The following MEIOB variants were observed in gnomAD, a reference collection of about 807,000 sequenced individuals.
MEIOB encodes the protein meiosis specific with OB-fold.
In MEIOB, 50 loss-of-function variants were observed where a neutral mutation model predicts 53.1. The observed-to-expected ratio is 0.94, with a 90% CI of 0.75 to 1.19. The LOEUF is 1.19. Among genes scored for constraint, MEIOB ranks in the 50% most tolerant of loss-of-function variants. The pLI, the probability that MEIOB is intolerant of heterozygous loss-of-function variation, is 0.00. For missense variants in MEIOB, 551 were observed against 550.8 expected (o/e 1.00, Z 0.00); for synonymous variants, 192 against 182.5 (o/e 1.05, Z -0.42).
chr16:1,856,116 T>A (rs986593335), intron 6 of MEIOB, among the ~76,000 whole-genome samples: 2 of 151,170 alleles, frequency 1.3e-5, no homozygotes, highest in Non-Finnish European at 2.9e-5. Context: ...TGCCTCAGCC[T>A]CCTGAGTAGC....
Position 1,857,495 on chromosome 16 carries a change from C to T in MEIOB, c.528+240G>A, listed in dbSNP as rs191100179. On this transcript the variant is annotated intron_variant, in intron 6 of 13. Transcript: ENST00000325962. ...TCTCCTATAGTTAGCAGATCATTTA[C>T]GAGCAGAGTGGAACACTGCATTTAG... is the stretch of plus-strand genomic sequence containing the variant. 8.7e-4 allele frequency among the ~76,000 whole-genome samples: 132 copies of T among 152,332 alleles called. 1 individual carries two copies. The highest frequency in any genetic ancestry group is 2.9e-3 in the African/African-American group (119 of 41,558).
chr16:1,847,908 T>TA (rs1181590012), intron 9 of MEIOB, among the ~76,000 whole-genome samples: 3 of 152,264 alleles, frequency 2.0e-5, no homozygotes, highest in Non-Finnish European at 4.4e-5. Context: ...GCCAACATTT[T>TA]AAAAAATGTT....
chr16:1,866,945 A>G (rs2150825273), intron 2 of MEIOB, among the ~76,000 whole-genome samples: 1 of 152,292 alleles, frequency 6.6e-6, no homozygotes, highest in Admixed American at 6.5e-5. Context: ...TCAATTCCTT[A>G]TACTTGCAGA....
Position 1,857,382 on chromosome 16 carries a change from C to T in MEIOB, c.528+353G>A, listed in dbSNP as rs1240428589. On this transcript the variant is annotated intron_variant, in intron 6 of 13. Coordinates refer to ENST00000325962, the MANE Select transcript of MEIOB (RefSeq NM_001163560.3). ...ACTGATCCCTTAACTTATTCAACTA[C>T]GCCCCTTCAAGGAAGGTCATGGAGA... 4.6e-5 allele frequency among the ~76,000 whole-genome samples: 7 copies of T among 152,290 alleles called. No homozygotes were observed. The East Asian group carries it at 5.8e-4, about 13-fold the overall frequency.
chr16:1,855,324 C>G (rs1032585788), intron 6 of MEIOB, among the ~76,000 whole-genome samples: 1 of 151,888 alleles, frequency 6.6e-6, no homozygotes, highest in Non-Finnish European at 1.5e-5. Context: ...CCTGGCTACT[C>G]GGGAGGCTGA....
intron 6 of MEIOB, among the ~76,000 whole-genome samples, chr16:1,854,761 C>T (rs1899259396): frequency 6.6e-6 from 1 of 152,028 alleles, no homozygotes; most frequent in East Asian, 1.9e-4. Flanking sequence ...AACTTTGACA[C>T]TGTCCAATTC....
rs576751454 is a variant in MEIOB at position 1,854,633 on chromosome 16, C to G, written c.529-433G>C. Among the ~76,000 whole-genome samples, 6 of 152,232 alleles carry G rather than the reference C, an allele frequency of 3.9e-5. No homozygotes were observed. The East Asian group carries it at 1.2e-3, about 29-fold the overall frequency. The stretch of plus-strand genomic sequence containing the variant: ...GCACCTCCGTCTTCTTAGTGAACAT[C>G]AAATACAGCATATCTGTGGTATAAA... On this transcript the variant is annotated intron_variant, in intron 6 of 13. Coordinates refer to ENST00000325962, the MANE Select transcript of MEIOB (RefSeq NM_001163560.3).
intron 4 of MEIOB, 21 bp from the exon 5 acceptor site, chr16:1,860,496 T>A: frequency 7.3e-7 from 1 of 1,373,746 alleles, no homozygotes; most frequent in Non-Finnish European, 1.0e-6. Flanking sequence ...GGGCAAAGTA[T>A]GATGATATTA....
chr16:1,867,792 A>G (rs539302706), intron 2 of MEIOB, among the ~76,000 whole-genome samples: 31 of 152,176 alleles, frequency 2.0e-4, no homozygotes, highest in African/African-American at 7.5e-4. Flanking sequence ...TTACAATGCT[A>G]AATTTGAGCA....
chr16:1,871,381 G>A (rs1474314912), intron 1 of MEIOB, among the ~76,000 whole-genome samples: 2 of 98,284 alleles, frequency 2.0e-5, no homozygotes, highest in African/African-American at 3.8e-5. Context: ...CGCCACGCCT[G>A]GCTAATTTTT....
At position 1,839,241 on chromosome 16, in the gene MEIOB, T is replaced by C. The variant is rs1036611292; in HGVS notation, c.1218+14A>G. ...TGGAAATATTCTAAACATTTCTTCC[T>C]TTTTGCTATTTACCGTGCAGCCCAA... On this transcript the variant is annotated intron_variant, in intron 12 of 13. Coordinates refer to ENST00000325962, the MANE Select transcript of MEIOB (RefSeq NM_001163560.3). The C allele has an allele frequency of 6.4e-7, 1 of 1,558,998 alleles. No individual in the cohort carries two copies. Among genetic ancestry groups the C allele is most frequent in the Admixed American group, 2.0e-5 (1 of 48,836 alleles).
intron 12 of MEIOB, among the ~76,000 whole-genome samples, chr16:1,838,909 C>G (rs535892972): frequency 6.6e-6 from 1 of 152,280 alleles, no homozygotes; most frequent in South Asian, 2.1e-4. Context: ...CCAGGCTGGT[C>G]TCAAACTCCT....
intron 13 of MEIOB, among the ~76,000 whole-genome samples, chr16:1,837,369 C>T (rs1044861288): frequency 1.3e-5 from 2 of 152,032 alleles, no homozygotes; most frequent in African/African-American, 2.4e-5. Flanking sequence ...CCTAGTCTGA[C>T]CTTTTGGGGT....
At position 1,857,720 on chromosome 16, in the gene MEIOB, G is replaced by C. The variant is rs772129671; in HGVS notation, c.528+15C>G. 39 of 1,548,676 alleles carry C rather than the reference G, an allele frequency of 2.5e-5. No individual in the cohort carries two copies. Among genetic ancestry groups the C allele is most frequent in the East Asian group, 4.9e-5 (2 of 40,824 alleles). The stretch of plus-strand genomic sequence containing the variant: ...CTGCCAGATTGCACTTGGCTTTGTC[G>C]GGGTTTTAACTTACCGATTTCACAG... On this transcript the variant is annotated intron_variant, in intron 6 of 13. Transcript: ENST00000325962.
At position 1,857,716 on chromosome 16, in the gene MEIOB, T is replaced by C. The variant is rs1290078684; in HGVS notation, c.528+19A>G. On this transcript the variant is annotated intron_variant, in intron 6 of 13. Transcript: ENST00000325962. The stretch of plus-strand genomic sequence containing the variant: ...TCCCCTGCCAGATTGCACTTGGCTT[T>C]GTCGGGGTTTTAACTTACCGATTTC... 6.5e-7 allele frequency: 1 copy of C among 1,548,548 alleles called. No homozygotes were observed. Among genetic ancestry groups the C allele is most frequent in the East Asian group, 2.4e-5 (1 of 40,826 alleles).
At chr16:1,838,222 A>G (rs2142075220) in intron 12 of MEIOB, 1 of 422,170 alleles carries the variant, frequency 2.4e-6, no homozygotes, top group East Asian at 3.4e-5. Context: ...GTGATCTTGA[A>G]CTCCTGGCCT....
chr16:1,860,542 T>A, intron 4 of MEIOB, 67 bp from the exon 5 acceptor site: 4 of 886,218 alleles, frequency 4.5e-6, no homozygotes, highest in Non-Finnish European at 7.2e-6. Context: ...ACATCCTAAA[T>A]AACATCCTGT....
chr16:1,835,650 C>A (rs73490122), intron 13 of MEIOB, among the ~76,000 whole-genome samples: 1 of 152,070 alleles, frequency 6.6e-6, no homozygotes, highest in Non-Finnish European at 1.5e-5. Flanking sequence ...AGGGGCTACA[C>A]CTCCCATTGC....
At chr16:1,859,495 C>T (rs1453838715) in intron 5 of MEIOB, among the ~76,000 whole-genome samples, 5 of 152,108 alleles carry the variant, frequency 3.3e-5, no homozygotes, top group East Asian at 3.8e-4. Context: ...GAGCCGAGAT[C>T]GTGCCACTGC....
Sources: allele counts gnomAD v4.1 joint callset (sites outside exome capture counted in the v4.1 genomes callset), GRCh38; gene constraint gnomAD v4.1.1; transcripts MANE v1.5; gene names NCBI Gene and HGNC (gene_info 2026-07-23, HGNC 2026-07-21).